The following SNTG2 variants were observed in gnomAD, a reference collection of about 807,000 sequenced individuals.
SNTG2 encodes the protein syntrophin gamma 2, also known as gamma-2-syntrophin.
A neutral mutation model predicts 70.9 loss-of-function variants in SNTG2; 74 were observed. That is an observed-to-expected ratio of 1.04 (90% CI 0.86 to 1.27). The LOEUF (loss-of-function observed/expected upper bound fraction) is 1.27, where lower values mean the gene tolerates loss of function less well. Among genes scored for constraint, SNTG2 ranks in the 50% most tolerant of loss-of-function variants. The pLI, the probability that SNTG2 is intolerant of heterozygous loss-of-function variation, is 0.00. For synonymous variants in SNTG2, 278 were observed against 273.8 expected, an observed-to-expected ratio of 1.02 and a Z score of -0.15; for missense variants, 717 against 690.7, an observed-to-expected ratio of 1.04 and a Z score of -0.43.
At chr2:1,307,403 TGTGA>T (rs1296256002) in intron 14 of SNTG2, among the ~76,000 whole-genome samples, 133 of 147,610 alleles carry the variant, frequency 9.0e-4, no homozygotes, top group African/African-American at 3.1e-3. Context: ...TGTGTCTGTG[TGTGA>T]GTGTGTGTGG....
intron 16 of SNTG2, among the ~76,000 whole-genome samples, chr2:1,349,097 C>T (rs564454525): frequency 4.6e-5 from 7 of 152,224 alleles, no homozygotes; most frequent in South Asian, 4.2e-4. Context: ...GATAGTCTTC[C>T]GGCAAGGGGT....
At chr2:1,239,632 C>G in intron 10 of SNTG2, 106 bp from the exon 11 acceptor site, 1 of 1,162,720 alleles carries the variant, frequency 8.6e-7, no homozygotes, top group Non-Finnish European at 1.3e-6. Context: ...ATTAAAGAGG[C>G]CTGTTTCCCA....
At chr2:1,309,310 C>CT (rs1360876125) in intron 15 of SNTG2, among the ~76,000 whole-genome samples, 1 of 152,188 alleles carries the variant, frequency 6.6e-6, no homozygotes, top group Non-Finnish European at 1.5e-5. Flanking sequence ...GTTCGAGAAC[C>CT]TTTGGATGCC....
intron 1 of SNTG2, among the ~76,000 whole-genome samples, chr2:984,319 A>G (rs923422424): frequency 4.0e-5 from 6 of 151,816 alleles, no homozygotes; most frequent in Non-Finnish European, 8.8e-5. Context: ...AAATGAAAAC[A>G]AAGGGCAAAA....
intron 9 of SNTG2, among the ~76,000 whole-genome samples, chr2:1,220,990 A>G (rs1253518924): frequency 6.6e-6 from 1 of 152,012 alleles, no homozygotes; most frequent in Non-Finnish European, 1.5e-5. Flanking sequence ...GCACCCTGAC[A>G]CCCCTCCCCA....
intron 14 of SNTG2, among the ~76,000 whole-genome samples, chr2:1,297,772 C>A (rs893836758): frequency 1.3e-5 from 2 of 152,234 alleles, no homozygotes; most frequent in African/African-American, 2.4e-5. Context: ...GTCCAGAAGG[C>A]AGGGATCTTG....
intron 1 of SNTG2, among the ~76,000 whole-genome samples, chr2:1,020,009 C>T (rs1219534137): frequency 6.6e-6 from 1 of 152,190 alleles, no homozygotes; most frequent in South Asian, 2.1e-4. Context: ...TGCCACTGCA[C>T]TCCAGCTTGG....
At chr2:1,012,128 C>G (rs767067802) in intron 1 of SNTG2, among the ~76,000 whole-genome samples, 3 of 152,210 alleles carry the variant, frequency 2.0e-5, no homozygotes, top group Non-Finnish European at 4.4e-5. Context: ...GCCTCCTCTT[C>G]TCCCTGACAA....
In SNTG2 at chr2:1,114,128, G is replaced by A. The variant is rs569981907; in HGVS notation, c.325+15718G>A. On this transcript the variant is annotated intron_variant, in intron 4 of 16. Transcript: ENST00000308624. ...CTTACAGTCCTTTGAGGAGGATCGT[G>A]TGTACTAAGTGAGGTTTAACCCTTA... Among the ~76,000 whole-genome samples the A allele has an allele frequency of 2.0e-5, 3 of 150,558 alleles. No individual in the cohort carries two copies. The South Asian group carries it at 6.4e-4, about 32-fold the overall frequency.
intron 2 of SNTG2, among the ~76,000 whole-genome samples, chr2:1,086,102 C>G (rs1430676352): frequency 6.6e-6 from 1 of 152,180 alleles, no homozygotes; most frequent in Non-Finnish European, 1.5e-5. Flanking sequence ...AATTTATAAT[C>G]TAAGGGATGC....
chr2:1,194,912 G>GT (rs1402479975), intron 8 of SNTG2, among the ~76,000 whole-genome samples: 1 of 152,044 alleles, frequency 6.6e-6, no homozygotes, highest in Non-Finnish European at 1.5e-5. Context: ...AGTGTATGAT[G>GT]TTCCCCTCCC....
chr2:1,312,639 T>C (rs1427501766), intron 15 of SNTG2, among the ~76,000 whole-genome samples: 1 of 151,764 alleles, frequency 6.6e-6, no homozygotes, highest in Non-Finnish European at 1.5e-5. Context: ...GTTGAAAAGC[T>C]AGCCTTGTCT....
chr2:1,312,285 C>T (rs1048741496), intron 15 of SNTG2, among the ~76,000 whole-genome samples: 2 of 152,146 alleles, frequency 1.3e-5, no homozygotes, highest in Admixed American at 6.5e-5. Flanking sequence ...CGTCCCTGCC[C>T]CACGCAGGCG....
chr2:1,194,875 C>G (rs1284331678), intron 8 of SNTG2, among the ~76,000 whole-genome samples: 1 of 152,160 alleles, frequency 6.6e-6, no homozygotes, highest in Non-Finnish European at 1.5e-5. Context: ...TATCCCTCCC[C>G]TAGTCCCCCA....
intron 6 of SNTG2, 23 bp downstream of exon 6, chr2:1,137,832 T>A: frequency 6.3e-7 from 1 of 1,577,480 alleles, no homozygotes; most frequent in Non-Finnish European, 8.7e-7. Flanking sequence ...CATTTTATAG[T>A]TATTCTGTTT....
At chr2:968,694 T>C (rs772450440) in intron 1 of SNTG2, among the ~76,000 whole-genome samples, 38 of 152,216 alleles carry the variant, frequency 2.5e-4, no homozygotes, top group South Asian at 4.1e-4. Flanking sequence ...TTCATGTCCT[T>C]TAACCATTTT....
At chr2:1,354,265 T>A (rs9753188) in intron 16 of SNTG2, among the ~76,000 whole-genome samples, 81,445 of 118,444 alleles carry the variant, frequency 0.69, 28,958 homozygotes, top group East Asian at 0.93. Context: ...GGGTGTTCCG[T>A]GGCAGAGCGG....
chr2:1,340,548 C>G (rs541982446), intron 16 of SNTG2, among the ~76,000 whole-genome samples: 1 of 152,178 alleles, frequency 6.6e-6, no homozygotes, highest in Non-Finnish European at 1.5e-5. Flanking sequence ...ATATGATCAC[C>G]TCTATTCTTT....
At position 985,155 on chromosome 2, in the gene SNTG2, C is replaced by T. The variant is rs181506313; in HGVS notation, c.72+34087C>T. 5.0e-3 allele frequency among the ~76,000 whole-genome samples: 754 copies of T among 152,184 alleles called. 8 individuals are homozygous for T. Among genetic ancestry groups the T allele is most frequent in the African/African-American group, 0.015 (633 of 41,522 alleles). Reference sequence around the variant, plus strand: ...CATAATGTGGCTTCTGCAGACCACACGCCACTCCCTCCTAAAGAAAACAGC... The same window carrying T: ...CATAATGTGGCTTCTGCAGACCACATGCCACTCCCTCCTAAAGAAAACAGC... On this transcript the variant is annotated intron_variant, in intron 1 of 16. Transcript: ENST00000308624.
Sources: gnomAD v4.1 joint callset for allele counts (sites outside exome capture counted in the v4.1 genomes callset) on GRCh38, gnomAD v4.1.1 for gene constraint, MANE v1.5 for transcripts, NCBI Gene and HGNC (gene_info 2026-07-23, HGNC 2026-07-21) for gene names.